PDCD11: variants seen among roughly 807,000 people sequenced by gnomAD.
The protein encoded by PDCD11 is protein RRP5 homolog.
PDCD11 carries 97 observed loss-of-function variants against 198.9 expected under a neutral mutation model. The ratio of observed to expected loss-of-function variants is 0.49; its 90% confidence interval spans 0.41 to 0.58. PDCD11 has a LOEUF of 0.58. Ranked by LOEUF, PDCD11 falls within the 20% of genes least tolerant of loss-of-function variation. The pLI, the probability that PDCD11 is intolerant of heterozygous loss-of-function variation, is 0.00. For synonymous variants in PDCD11, 893 were observed against 918.0 expected, an observed-to-expected ratio of 0.97 and a Z score of 0.49; for missense variants, 2,102 against 2,312.7, an observed-to-expected ratio of 0.91 and a Z score of 1.87.
At chr10:103,414,159 T>C (rs2030969918) in intron 10 of PDCD11, 69 bp downstream of exon 10, 1 of 1,583,678 alleles carries the variant, frequency 6.3e-7, no homozygotes, top group East Asian at 2.2e-5. Flanking sequence ...CCATTTCTCC[T>C]GGCTGTGCTT....
rs2030899575 is a variant in PDCD11, at chr10:103,413,112, C to G, written c.979-4C>G. The G allele has an allele frequency of 2.5e-6, 4 of 1,613,060 alleles. No individual in the cohort carries two copies. Among genetic ancestry groups the G allele is most frequent in the Non-Finnish European group, 3.4e-6 (4 of 1,179,268 alleles). On this transcript the variant is annotated splice_region_variant and splice_polypyrimidine_tract_variant and intron_variant, in intron 8 of 35. Coordinates refer to ENST00000369797, the MANE Select transcript of PDCD11 (RefSeq NM_014976.2). ...CTGCTCACCCTGCCCTTCCTTTTGT[C>G]TAGGTGAGGGCCTGCATCCTTTGCG...
At chr10:103,439,029 C>T (rs2032269245) in intron 27 of PDCD11, among the ~76,000 whole-genome samples, 1 of 152,184 alleles carries the variant, frequency 6.6e-6, no homozygotes, top group Non-Finnish European at 1.5e-5. Context: ...TATGGCATTT[C>T]TAATTTCTGT....
intron 27 of PDCD11, among the ~76,000 whole-genome samples, chr10:103,439,102 C>T (rs776717628): frequency 3.3e-5 from 5 of 152,018 alleles, no homozygotes; most frequent in African/African-American, 4.8e-5. Flanking sequence ...TTTGAGAGGC[C>T]GAGATGAGAG....
intron 30 of PDCD11, 126 bp downstream of exon 30, chr10:103,440,976 C>A: frequency 1.5e-6 from 1 of 648,914 alleles, no homozygotes; most frequent in Non-Finnish European, 2.7e-6. Flanking sequence ...CAGTTGCCTC[C>A]ATTGACCGTC....
At chr10:103,404,698 G>A (rs2030336628) in intron 4 of PDCD11, among the ~76,000 whole-genome samples, 1 of 152,242 alleles carries the variant, frequency 6.6e-6, no homozygotes, top group Non-Finnish European at 1.5e-5. Flanking sequence ...GAGATAGAGT[G>A]GTGGAGTGAG....
intron 27 of PDCD11, 41 bp downstream of exon 27, chr10:103,438,849 C>T: frequency 6.2e-7 from 1 of 1,610,890 alleles, no homozygotes. Flanking sequence ...AAGTGCCTTC[C>T]CTGAGCCTGT....
chr10:103,417,736 A>G, intron 13 of PDCD11, 56 bp from the exon 14 acceptor site: 1 of 1,588,098 alleles, frequency 6.3e-7, no homozygotes, highest in Non-Finnish European at 8.6e-7. Context: ...GGCACGTTGC[A>G]GGGCCTGCAA....
intron 27 of PDCD11, 79 bp from the exon 28 acceptor site, chr10:103,439,667 T>A (rs1056462048): frequency 1.3e-5 from 20 of 1,543,368 alleles, no homozygotes; most frequent in Non-Finnish European, 1.8e-5. Context: ...TGAGTCCCTG[T>A]GAGAGTGAAG....
At position 103,435,579 on chromosome 10, in the gene PDCD11, G is replaced by C. The variant is rs147021966; in HGVS notation, c.3845+604G>C. Among the ~76,000 whole-genome samples, 594 of 151,546 alleles carry C rather than the reference G, an allele frequency of 3.9e-3. 3 individuals are homozygous for C. Among genetic ancestry groups the C allele is most frequent in the African/African-American group, 0.014 (567 of 41,296 alleles). On this transcript the variant is annotated intron_variant, in intron 25 of 35. Transcript: ENST00000369797. Reference sequence around the variant, plus strand: ...TGCGTAGGCTGGAGTGCAGTGGCGCGATCTCAGCTCACTGCAGTCTCCTCC... The same window carrying C: ...TGCGTAGGCTGGAGTGCAGTGGCGCCATCTCAGCTCACTGCAGTCTCCTCC...
chr10:103,412,195 T>G (rs1311936479), intron 8 of PDCD11, among the ~76,000 whole-genome samples: 1 of 143,618 alleles, frequency 7.0e-6, no homozygotes, highest in East Asian at 2.0e-4. Flanking sequence ...GAGTCTTACT[T>G]TGTCACCCAG....
rs966554109 is a variant in PDCD11 at position 103,438,763 on chromosome 10, T to C, written c.3980T>C (p.Leu1327Pro). Residue 1327 changes from leucine (L) to proline (P), a missense_variant, in exon 27 of 36, where the codon CTG becomes CCG. Transcript: ENST00000369797. Reference sequence around the variant, plus strand: ...CAGGACATTAAGGAAGGGCAGCTTCTGAGGGGCTATGTAGGGTCCATCCAG... The same window carrying C: ...CAGGACATTAAGGAAGGGCAGCTTCCGAGGGGCTATGTAGGGTCCATCCAG... ...SIQDIKEGQLLRGYVGSIQPH... is the reference protein window; with the variant it reads ...SIQDIKEGQLPRGYVGSIQPH... The C allele has an allele frequency of 6.2e-7, 1 of 1,614,174 alleles. No individual in the cohort carries two copies. The highest frequency in any genetic ancestry group is 1.3e-5 in the African/African-American group (1 of 75,046).
chr10:103,418,705 G>T, intron 15 of PDCD11, 71 bp downstream of exon 15: 1 of 1,302,710 alleles, frequency 7.7e-7, no homozygotes, highest in Non-Finnish European at 1.1e-6. Context: ...GAAATTCTGG[G>T]GAAATTAGAC....
At position 103,406,861 on chromosome 10, in the gene PDCD11, C is replaced by G; in HGVS notation, c.870+71C>G. The G allele has an allele frequency of 2.4e-6, 3 of 1,244,138 alleles. No individual in the cohort carries two copies. The South Asian group carries it at 4.6e-5, about 19-fold the overall frequency. 77.1% of individuals were successfully genotyped at this position (1,244,138 alleles called of 1,614,324 possible). A position where few individuals can be genotyped will look rare whatever the true frequency, so the allele number is the denominator to read the frequency against. On this transcript the variant is annotated intron_variant, in intron 7 of 35. Coordinates refer to ENST00000369797, the MANE Select transcript of PDCD11 (RefSeq NM_014976.2). ...TTTCAAAATATTAAATGCATAAAGTCTAAAACTACTGTCTGATAAAGGTAG... is the reference window on the plus strand; with the variant it reads ...TTTCAAAATATTAAATGCATAAAGTGTAAAACTACTGTCTGATAAAGGTAG...
chr10:103,414,201 G>A (rs1360008196), intron 10 of PDCD11, 69 bp from the exon 11 acceptor site: 11 of 1,580,180 alleles, frequency 7.0e-6, no homozygotes, highest in Non-Finnish European at 8.7e-6. Flanking sequence ...CAGCATGCCT[G>A]TGGTAGCCCT....
intron 27 of PDCD11, 26 bp downstream of exon 27, chr10:103,438,834 G>C (rs1358709259): frequency 6.2e-7 from 1 of 1,612,510 alleles, no homozygotes; most frequent in Admixed American, 1.7e-5. Flanking sequence ...TCTGCACCCG[G>C]ACCCAAGTGC....
chr10:103,444,606 A>G lies in PDCD11; in HGVS notation c.5368A>G (p.Thr1790Ala). The G allele has an allele frequency of 6.2e-7, 1 of 1,614,164 alleles. No homozygotes were observed. Among genetic ancestry groups the G allele is most frequent in the Non-Finnish European group, 8.5e-7 (1 of 1,180,002 alleles). Reference sequence around the variant, plus strand: ...AGCCATTTTTGAGAACACGCTGAGCACCTACCCAAAGCGCACAGATGTCTG... The same window carrying G: ...AGCCATTTTTGAGAACACGCTGAGCGCCTACCCAAAGCGCACAGATGTCTG... ...AKAIFENTLS[T>A]YPKRTDVWSV... The change falls in exon 35 of 36, where the codon ACC becomes GCC. Residue 1790 changes from threonine to alanine, a missense_variant. Coordinates refer to ENST00000369797, the MANE Select transcript of PDCD11 (RefSeq NM_014976.2).
chr10:103,434,124 A>G, intron 23 of PDCD11, 87 bp downstream of exon 23: 1 of 1,266,650 alleles, frequency 7.9e-7, no homozygotes, highest in Non-Finnish European at 1.2e-6. Flanking sequence ...AGTGGATTTG[A>G]GGAAGCTTGT....
intron 3 of PDCD11, 93 bp from the exon 4 acceptor site, chr10:103,403,025 T>C (rs1198766510): frequency 4.1e-6 from 5 of 1,232,998 alleles, no homozygotes; most frequent in Admixed American, 1.8e-5. Context: ...CTTGGCCTTA[T>C]AGCTTTTAAA....
intron 21 of PDCD11, 114 bp downstream of exon 21, chr10:103,427,505 C>G (rs2133725723): frequency 1.2e-6 from 1 of 856,228 alleles, no homozygotes; most frequent in East Asian, 2.6e-5. Flanking sequence ...TTGCCTTTCT[C>G]TGTCCAAGTT....
Sources: allele counts gnomAD v4.1 joint callset (sites outside exome capture counted in the v4.1 genomes callset), GRCh38; gene constraint gnomAD v4.1.1; transcripts MANE v1.5; gene names NCBI Gene and HGNC (gene_info 2026-07-23, HGNC 2026-07-21).